TTI1: variants seen among roughly 807,000 people sequenced by gnomAD.
TTI1 encodes the protein TELO2 interacting protein 1.
TTI1 carries 52 observed loss-of-function variants against 85.4 expected under a neutral mutation model. The ratio of observed to expected loss-of-function variants is 0.61; its 90% CI spans 0.49 to 0.77. The LOEUF (loss-of-function observed/expected upper bound fraction) is 0.77, where lower values mean the gene tolerates loss of function less well. Among genes scored for constraint, TTI1 ranks in the 30% least tolerant of loss-of-function variants. The pLI is 0.00. For synonymous variants in TTI1, 512 were observed against 503.9 expected (o/e 1.02, Z -0.22); for missense variants, 1,173 against 1,296.0 (o/e 0.91, Z 1.46).
intron 1 of TTI1, among the ~76,000 whole-genome samples, chr20:38,030,509 G>A (rs2073892558): frequency 7.0e-6 from 1 of 141,912 alleles, no homozygotes; most frequent in African/African-American, 2.9e-5. Flanking sequence ...AAAATATTAG[G>A]AAATTCAGCA....
At chr20:38,018,032 T>C (rs1388859865) in intron 1 of TTI1, among the ~76,000 whole-genome samples, 2 of 152,216 alleles carry the variant, frequency 1.3e-5, no homozygotes, top group Non-Finnish European at 1.5e-5. Context: ...GTGGAAGATA[T>C]ATGCATCCAC....
chr20:37,995,049 T>C (rs1321589938), intron 7 of TTI1, among the ~76,000 whole-genome samples: 2 of 152,238 alleles, frequency 1.3e-5, no homozygotes, highest in Non-Finnish European at 2.9e-5. Flanking sequence ...AAACTCATTA[T>C]GTTCTTGAGT....
In TTI1 at chr20:38,012,566, A is replaced by G. The variant is rs1221940314; in HGVS notation, c.1251T>C (p.Phe417=). The G allele has an allele frequency of 1.9e-6, 3 of 1,614,092 alleles. No homozygotes were observed. The highest frequency in any genetic ancestry group is 2.5e-6 in the Non-Finnish European group (3 of 1,180,054). The change falls in exon 2 of 8, where the codon TTT becomes TTC. Residue 417 remains phenylalanine, a synonymous_variant. Transcript: ENST00000373447. ...YLKLLGPKIN[F]VLNSVAHLQR... ...GGAGATGGGCCACAGAGTTGAGGAC[A>G]AAGTTTATTTTTGGGCCCAAGAGTT...
intron 1 of TTI1, 62 bp from the exon 2 acceptor site, chr20:38,013,919 C>CT: frequency 6.8e-7 from 1 of 1,475,230 alleles, no homozygotes; most frequent in East Asian, 2.3e-5. Context: ...AGTGAACTTG[C>CT]ATTCATTCAT....
chr20:38,002,779 G>A lies in TTI1; in HGVS notation c.2504-3C>T. The A allele has an allele frequency of 6.2e-7, 1 of 1,613,564 alleles. No individual in the cohort carries two copies. Among genetic ancestry groups the A allele is most frequent in the Non-Finnish European group, 8.5e-7 (1 of 1,179,708 alleles). On this transcript the variant is annotated splice_region_variant and splice_polypyrimidine_tract_variant and intron_variant, in intron 3 of 7. Coordinates refer to ENST00000373447, the MANE Select transcript of TTI1 (RefSeq NM_001303457.2). ...TTTGGGAGGGACTGACTGTTCCTCT[G>A]GAAAAAGAGCACAACTGGGGGCAGT... is the stretch of plus-strand genomic sequence containing the variant.
At position 38,011,655 on chromosome 20, in the gene TTI1, A is replaced by G; in HGVS notation, c.2162T>C (p.Val721Ala). 1 of 1,614,240 alleles carries G rather than the reference A, an allele frequency of 6.2e-7. No homozygotes were observed. The highest frequency in any genetic ancestry group is 8.5e-7 in the Non-Finnish European group (1 of 1,180,036). ...GTTAGCATCTGAGTTCCGCAGCATG[A>G]CTTCCAGGACCTTTGGGGTATGAGG... ...LHPHTPKVLE[V>A]MLRNSDANLL... is the part of the protein sequence containing the mutation. The change falls in exon 2 of 8, where the codon GTC (valine) becomes GCC (alanine). Residue 721 changes from valine (V) to alanine (A), a missense_variant. Transcript: ENST00000373447.
intron 7 of TTI1, among the ~76,000 whole-genome samples, chr20:37,993,076 G>T (rs573365574): frequency 6.7e-6 from 1 of 150,204 alleles, no homozygotes; most frequent in Non-Finnish European, 1.5e-5. Flanking sequence ...GTTATCCATT[G>T]AAGTTACTTA....
At chr20:38,021,450 A>G (rs2073770265) in intron 1 of TTI1, among the ~76,000 whole-genome samples, 1 of 152,200 alleles carries the variant, frequency 6.6e-6, no homozygotes, top group Admixed American at 6.5e-5. Flanking sequence ...TGCTGCACCA[A>G]AGTTTGATAT....
intron 4 of TTI1, among the ~76,000 whole-genome samples, chr20:37,999,545 A>G (rs1348316586): frequency 6.6e-6 from 1 of 152,210 alleles, no homozygotes; most frequent in Non-Finnish European, 1.5e-5. Flanking sequence ...CAGCTGGGGA[A>G]AGACCTTAAT....
chr20:38,022,241 G>A lies in TTI1; in HGVS notation c.-41-8384C>T, dbSNP rs374169480. Among the ~76,000 whole-genome samples the A allele has an allele frequency of 1.2e-3, 189 of 152,250 alleles. 2 individuals carry two copies. In the South Asian group the frequency reaches 0.027, roughly 22 times the overall value. On this transcript the variant is annotated intron_variant, in intron 1 of 7. Transcript: ENST00000373447. ...TCTCTCCCCCATGTCCTCAGGGCTCGCTCCTTTACCACTTTCAGGGCTTTG... is the reference window on the plus strand; with the variant it reads ...TCTCTCCCCCATGTCCTCAGGGCTCACTCCTTTACCACTTTCAGGGCTTTG...
At chr20:37,987,529 G>A (rs2073207731) in intron 7 of TTI1, 11 of 367,634 alleles carry the variant, frequency 3.0e-5, no homozygotes, top group South Asian at 2.3e-4. Context: ...CAAATCAGTG[G>A]CTCCAGAGAG....
In TTI1 at chr20:38,012,938, C is replaced by G; in HGVS notation, c.879G>C (p.Lys293Asn). 6.2e-7 allele frequency: 1 copy of G among 1,614,170 alleles called. No homozygotes were observed. Among genetic ancestry groups the G allele is most frequent in the Non-Finnish European group, 8.5e-7 (1 of 1,180,038 alleles). The stretch of plus-strand genomic sequence containing the variant: ...GGTGAACAGAAACACACTCAATTAT[C>G]TTTTTAATAAGGATAGTCAACTTGT... ...TGDKLTILIK[K>N]IIECVSVHPH... The change falls in exon 2 of 8, where the codon AAG becomes AAC. Residue 293 changes from lysine to asparagine, a missense_variant. Transcript: ENST00000373447.
At chr20:38,019,790 T>C (rs377435866) in intron 1 of TTI1, among the ~76,000 whole-genome samples, 34 of 152,260 alleles carry the variant, frequency 2.2e-4, no homozygotes, top group Non-Finnish European at 4.3e-4. Flanking sequence ...GGTGGAGGGC[T>C]GTCTTGTGCA....
chr20:38,007,461 C>A (rs1474578298), intron 2 of TTI1, among the ~76,000 whole-genome samples: 1 of 152,266 alleles, frequency 6.6e-6, no homozygotes, highest in East Asian at 1.9e-4. Context: ...CACCAAGAGA[C>A]GGTGGGCTAC....
chr20:37,983,776 A>G, intron 7 of TTI1, 137 bp from the exon 8 acceptor site: 1 of 883,140 alleles, frequency 1.1e-6, no homozygotes, highest in Non-Finnish European at 1.6e-6. Flanking sequence ...CAAATAGTAG[A>G]AAAAACCCAC....
intron 4 of TTI1, among the ~76,000 whole-genome samples, chr20:38,001,542 C>T (rs536663197): frequency 1.1e-4 from 17 of 152,148 alleles, no homozygotes; most frequent in Non-Finnish European, 2.2e-4. Context: ...TAAGTGCTTG[C>T]TGAATGGAAC....
chr20:37,993,981 G>A (rs1176953578), intron 7 of TTI1, among the ~76,000 whole-genome samples: 2 of 152,190 alleles, frequency 1.3e-5, no homozygotes, highest in Non-Finnish European at 2.9e-5. Context: ...TGGAGGTGTC[G>A]TTTTGAGAGC....
At chr20:38,014,347 A>G (rs2073650428) in intron 1 of TTI1, among the ~76,000 whole-genome samples, 2 of 152,236 alleles carry the variant, frequency 1.3e-5, no homozygotes, top group South Asian at 4.1e-4. Context: ...GAAGTAAGAT[A>G]CAAAATAATT....
At chr20:37,999,532 G>A (rs2073391073) in intron 4 of TTI1, among the ~76,000 whole-genome samples, 1 of 152,214 alleles carries the variant, frequency 6.6e-6, no homozygotes, top group African/African-American at 2.4e-5. Flanking sequence ...CAGGGTTCAT[G>A]GTCAGCTGGG....
Sources: gnomAD v4.1 joint callset for allele counts (sites outside exome capture counted in the v4.1 genomes callset) on GRCh38, gnomAD v4.1.1 for gene constraint, MANE v1.5 for transcripts, NCBI Gene and HGNC (gene_info 2026-07-23, HGNC 2026-07-21) for gene names.